Variants in SOCS5 observed in about 807,000 individuals in gnomAD.
SOCS5 encodes suppressor of cytokine signaling 5, also known as CIS-6.
A neutral mutation model predicts 42.8 loss-of-function variants in SOCS5; 32 were observed. The observed-to-expected ratio is 0.75, with a 90% confidence interval of 0.56 to 1.01. The LOEUF is 1.01. SOCS5 is among the 50% of genes least tolerant of loss of function. The pLI is 0.00. For synonymous variants in SOCS5, 283 were observed against 229.6 expected (o/e 1.23, Z -2.10); for missense variants, 627 against 653.0 (o/e 0.96, Z 0.43).
chr2:46,705,078 C>G (rs533847410), intron 1 of SOCS5, among the ~76,000 whole-genome samples: 1 of 152,192 alleles, frequency 6.6e-6, no homozygotes, highest in Admixed American at 6.5e-5. Context: ...GTCACTATTT[C>G]TGACTGTTTA....
At position 46,759,392 on chromosome 2, in the gene SOCS5, G is replaced by A; in HGVS notation, c.862G>A (p.Glu288Lys). 6.2e-7 allele frequency: 1 copy of A among 1,613,950 alleles called. No individual in the cohort carries two copies. Among genetic ancestry groups the A allele is most frequent in the South Asian group, 1.1e-5 (1 of 91,074 alleles). The change falls in exon 2 of 2, where the codon GAA becomes AAA. Residue 288 changes from glutamate (E) to lysine (K), a missense_variant. Coordinates refer to ENST00000394861, the MANE Select transcript of SOCS5 (RefSeq NM_144949.3). Reference protein sequence around the residue: ...PPPNAQIHTFEATAQVNPLYK... With the variant: ...PPPNAQIHTFKATAQVNPLYK... ...TCCCAATGCACAAATACATACATTT[G>A]AAGCTACTGCACAGGTTAATCCATT...
chr2:46,716,389 T>G (rs1041215067), intron 1 of SOCS5, among the ~76,000 whole-genome samples: 4 of 145,764 alleles, frequency 2.7e-5, no homozygotes, highest in Non-Finnish European at 6.0e-5. Context: ...TTTTTTTTTT[T>G]TTTTTTTGCA....
intron 1 of SOCS5, among the ~76,000 whole-genome samples, chr2:46,718,095 T>TTGTG (rs10539315): frequency 1.3e-5 from 2 of 150,226 alleles, no homozygotes; most frequent in Non-Finnish European, 3.0e-5. Context: ...TTCTTGTGTT[T>TTGTG]TGTGTGTGTG....
At chr2:46,740,761 T>C (rs999624457) in intron 1 of SOCS5, among the ~76,000 whole-genome samples, 1 of 152,108 alleles carries the variant, frequency 6.6e-6, no homozygotes, top group Non-Finnish European at 1.5e-5. Flanking sequence ...TGCTGCTTCC[T>C]AGGGAAGCTC....
chr2:46,749,381 G>A (rs1673575823), intron 1 of SOCS5, among the ~76,000 whole-genome samples: 2 of 152,116 alleles, frequency 1.3e-5, no homozygotes, highest in African/African-American at 2.4e-5. Context: ...TGGAAAGGCC[G>A]AGACTTAGGT....
At position 46,713,723 on chromosome 2, in the gene SOCS5, G is replaced by A. The variant is rs558267643; in HGVS notation, c.-13+14274G>A. 9.2e-5 allele frequency among the ~76,000 whole-genome samples: 14 copies of A among 151,532 alleles called. No homozygotes were observed. The East Asian group carries it at 2.7e-3, about 29-fold the overall frequency. On this transcript the variant is annotated intron_variant, in intron 1 of 1. Transcript: ENST00000394861. Reference sequence around the variant, plus strand: ...GGTTTAATTTGCTCTTTTTTCCCTAGTTTTAAGTGAAAGCTTAGATCATTG... The same window carrying A: ...GGTTTAATTTGCTCTTTTTTCCCTAATTTTAAGTGAAAGCTTAGATCATTG...
intron 1 of SOCS5, among the ~76,000 whole-genome samples, chr2:46,721,184 A>AT (rs1558403300): frequency 1.3e-5 from 2 of 151,960 alleles, no homozygotes; most frequent in Admixed American, 6.6e-5. Context: ...CATGGAAGAG[A>AT]TTTATATGGG....
chr2:46,716,149 T>C (rs1672738164), intron 1 of SOCS5, among the ~76,000 whole-genome samples: 1 of 150,316 alleles, frequency 6.7e-6, no homozygotes, highest in South Asian at 2.1e-4. Context: ...CTCTTACACA[T>C]GTTTGGTTTC....
intron 1 of SOCS5, among the ~76,000 whole-genome samples, chr2:46,717,572 C>T (rs929044660): frequency 5.3e-5 from 8 of 151,848 alleles, no homozygotes; most frequent in South Asian, 2.1e-4. Flanking sequence ...CGTAATCTTC[C>T]GGTTTATATT....
chr2:46,751,203 GC>G (rs1470260149), intron 1 of SOCS5, among the ~76,000 whole-genome samples: 4 of 152,028 alleles, frequency 2.6e-5, no homozygotes, highest in Non-Finnish European at 5.9e-5. Flanking sequence ...TACATTGTTA[GC>G]CCCCAATAAT....
At chr2:46,712,336 C>CTTTTTT (rs70940636) in intron 1 of SOCS5, among the ~76,000 whole-genome samples, 30 of 64,974 alleles carry the variant, frequency 4.6e-4, no homozygotes, top group Admixed American at 7.4e-4. Flanking sequence ...GGATGTTTAG[C>CTTTTTT]TTTTTTTTTT....
At chr2:46,724,493 T>G (rs1430096122) in intron 1 of SOCS5, among the ~76,000 whole-genome samples, 1 of 152,038 alleles carries the variant, frequency 6.6e-6, no homozygotes, top group Non-Finnish European at 1.5e-5. Context: ...ATAAGTTTCT[T>G]TTTTGTTAAT....
chr2:46,714,838 GATT>G (rs776592034), intron 1 of SOCS5, among the ~76,000 whole-genome samples: 1 of 152,048 alleles, frequency 6.6e-6, no homozygotes, highest in Non-Finnish European at 1.5e-5. Flanking sequence ...TTTTTGGATG[GATT>G]ATTTTTTATG....
chr2:46,759,288 C>G lies in SOCS5; in HGVS notation c.758C>G (p.Ser253Cys). Residue 253 changes from serine to cysteine, a missense_variant, in exon 2 of 2, where the codon TCT (serine) becomes TGT (cysteine). Transcript: ENST00000394861. ...HSTFFDTFDP[S>C]LVSTEDEEDR... ...ACATTTTTTGATACATTTGATCCAT[C>G]TTTGGTTTCTACAGAAGATGAAGAA... The G allele has an allele frequency of 6.2e-7, 1 of 1,614,010 alleles. No homozygotes were observed. The highest frequency in any genetic ancestry group is 8.5e-7 in the Non-Finnish European group (1 of 1,179,862).
chr2:46,759,338 C>T lies in SOCS5; in HGVS notation c.808C>T (p.Leu270Phe). The T allele has an allele frequency of 6.2e-7, 1 of 1,613,842 alleles. No homozygotes were observed. The change falls in exon 2 of 2, where the codon CTT becomes TTT. Residue 270 changes from leucine to phenylalanine, a missense_variant. By Grantham distance (22) the Leu-to-Phe change is conservative. Coordinates refer to ENST00000394861, the MANE Select transcript of SOCS5 (RefSeq NM_144949.3). Reference protein sequence around the residue: ...EEDRLRERRRLSIEEGVDPPP... With the variant: ...EEDRLRERRRFSIEEGVDPPP... Reference sequence around the variant, plus strand: ...AGATAGGCTTAGAGAGAGAAGGCGGCTTAGTATTGAAGAAGGGGTTGATCC... The same window carrying T: ...AGATAGGCTTAGAGAGAGAAGGCGGTTTAGTATTGAAGAAGGGGTTGATCC...
intron 1 of SOCS5, among the ~76,000 whole-genome samples, chr2:46,701,814 T>TTTTTTTTTTTTTTTGAGACGG: frequency 7.3e-6 from 1 of 136,540 alleles, no homozygotes; most frequent in African/African-American, 2.9e-5. Context: ...CTATAATTTT[T>TTTTTTTTTTTTTTTGAGACGG]ATGCTAAAAT....
intron 1 of SOCS5, among the ~76,000 whole-genome samples, chr2:46,732,068 T>A (rs1326265622): frequency 6.6e-6 from 1 of 152,198 alleles, no homozygotes; most frequent in Non-Finnish European, 1.5e-5. Context: ...GGTATATGTG[T>A]TGTGTATTCC....
chr2:46,727,728 G>A (rs1673028776), intron 1 of SOCS5, among the ~76,000 whole-genome samples: 1 of 152,168 alleles, frequency 6.6e-6, no homozygotes, highest in South Asian at 2.1e-4. Context: ...TGAGATCCAT[G>A]CCATGTTCAG....
At chr2:46,715,985 T>G (rs1252888550) in intron 1 of SOCS5, among the ~76,000 whole-genome samples, 1 of 152,168 alleles carries the variant, frequency 6.6e-6, no homozygotes, top group East Asian at 1.9e-4. Context: ...AATCTGTTTC[T>G]TTTTCCTTTA....
Sources: allele counts gnomAD v4.1 joint callset (sites outside exome capture counted in the v4.1 genomes callset), GRCh38; gene constraint gnomAD v4.1.1; transcripts MANE v1.5; gene names NCBI Gene and HGNC (gene_info 2026-07-23, HGNC 2026-07-21).